YES1: variants seen among roughly 807,000 people sequenced by gnomAD.
The protein encoded by YES1 is YES proto-oncogene 1, Src family tyrosine kinase, also known as tyrosine-protein kinase Yes.
Under a neutral mutation model 70.4 loss-of-function variants are expected in YES1, and 39 were observed. That is an observed-to-expected ratio of 0.55 (90% CI 0.43 to 0.72). The LOEUF (loss-of-function observed/expected upper bound fraction) is 0.72, where lower values mean the gene tolerates loss of function less well. Among genes scored for constraint, YES1 ranks in the 30% least tolerant of loss-of-function variants. The pLI is 0.00. For synonymous variants in YES1, 198 were observed against 218.6 expected (o/e 0.91, Z 0.83); for missense variants, 495 against 644.8 (o/e 0.77, Z 2.52).
At chr18:737,091 G>A in intron 9 of YES1, 130 bp from the exon 10 acceptor site, 2 of 762,876 alleles carry the variant, frequency 2.6e-6, no homozygotes, top group East Asian at 2.7e-5. Flanking sequence ...TGGTAACAGG[G>A]TATAGTCTAG....
Position 724,290 on chromosome 18 carries a change from C to T in YES1, c.*134G>A, listed in dbSNP as rs565684907. On this transcript the variant is annotated 3_prime_UTR_variant, in exon 12 of 12. Coordinates refer to ENST00000314574, the MANE Select transcript of YES1 (RefSeq NM_005433.4). ...GGGAAAAAAAAGTGGTTTTGTGCAA[C>T]CATATCTGGGATTCCAGTTTACCAT... 7.4e-5 allele frequency: 65 copies of T among 881,316 alleles called. No individual in the cohort carries two copies. The highest frequency in any genetic ancestry group is 7.2e-4 in the Middle Eastern group (2 of 2,780). The allele number at this position is 881,316 out of a possible 1,614,324, so 54.6% of individuals were successfully genotyped here.
intron 8 of YES1, 116 bp from the exon 9 acceptor site, chr18:739,927 A>G: frequency 1.3e-6 from 1 of 787,904 alleles, no homozygotes; most frequent in Non-Finnish European, 1.9e-6. Flanking sequence ...CATTTTTTTT[A>G]AATTTTGTGC....
At chr18:733,635 T>C (rs2145681006) in intron 10 of YES1, among the ~76,000 whole-genome samples, 1 of 151,898 alleles carries the variant, frequency 6.6e-6, no homozygotes, top group East Asian at 2.0e-4. Context: ...TACAAAAAAT[T>C]AGCTGGGCGA....
intron 1 of YES1, among the ~76,000 whole-genome samples, chr18:810,126 C>T (rs928884594): frequency 1.3e-5 from 2 of 151,758 alleles, no homozygotes; most frequent in African/African-American, 4.8e-5. Context: ...TAAACGATGT[C>T]TACACTGATT....
At chr18:745,605 T>C in intron 6 of YES1, 103 bp downstream of exon 6, 1 of 1,110,972 alleles carries the variant, frequency 9.0e-7, no homozygotes, top group Non-Finnish European at 1.3e-6. Context: ...ATGTATTATG[T>C]GTAAATAAGT....
intron 3 of YES1, 130 bp from the exon 4 acceptor site, chr18:748,148 T>C: frequency 4.5e-6 from 3 of 667,998 alleles, no homozygotes; most frequent in Non-Finnish European, 7.6e-6. Context: ...ATTCATTGGA[T>C]GAAGAATTAA....
chr18:778,090 T>C (rs1905475280), intron 1 of YES1, among the ~76,000 whole-genome samples: 1 of 152,184 alleles, frequency 6.6e-6, no homozygotes, highest in Non-Finnish European at 1.5e-5. Context: ...AATCCCAATA[T>C]GTTACCAGGA....
intron 1 of YES1, among the ~76,000 whole-genome samples, chr18:801,010 G>A (rs1906791797): frequency 6.6e-6 from 1 of 152,128 alleles, no homozygotes; most frequent in Non-Finnish European, 1.5e-5. Context: ...GCTGGGTGTG[G>A]TGGCGTGTGC....
At chr18:792,577 G>C (rs1288399207) in intron 1 of YES1, among the ~76,000 whole-genome samples, 1 of 151,460 alleles carries the variant, frequency 6.6e-6, no homozygotes, top group South Asian at 2.1e-4. Flanking sequence ...GTGTGTGTGT[G>C]TGTGTGTGTA....
intron 2 of YES1, among the ~76,000 whole-genome samples, chr18:752,950 T>C: frequency 6.6e-6 from 1 of 152,026 alleles, no homozygotes; most frequent in Non-Finnish European, 1.5e-5. Context: ...ATCAAAAAAA[T>C]AAATAAAATA....
At chr18:758,644 A>C (rs925204375) in intron 1 of YES1, among the ~76,000 whole-genome samples, 1 of 152,134 alleles carries the variant, frequency 6.6e-6, no homozygotes, top group African/African-American at 2.4e-5. Flanking sequence ...CTTTCCTTAT[A>C]ATCAGTAAAA....
At chr18:731,435 T>C (rs2080086028) in intron 11 of YES1, among the ~76,000 whole-genome samples, 1 of 152,124 alleles carries the variant, frequency 6.6e-6, no homozygotes, top group Non-Finnish European at 1.5e-5. Flanking sequence ...GTGATAAAAT[T>C]TGATGGCATT....
At position 722,606 on chromosome 18, in the gene YES1, T is replaced by C. The variant is rs550648165; in HGVS notation, c.*1818A>G. ...GACACTCAAACCACTAATGCTGCTATTCAAATCTGTATTTTGAAATTACTG... is the reference window on the plus strand; with the variant it reads ...GACACTCAAACCACTAATGCTGCTACTCAAATCTGTATTTTGAAATTACTG... On this transcript the variant is annotated 3_prime_UTR_variant, in exon 12 of 12. Coordinates refer to ENST00000314574, the MANE Select transcript of YES1 (RefSeq NM_005433.4). 12 of 152,454 alleles carry C rather than the reference T, an allele frequency of 7.9e-5. No individual in the cohort carries two copies. The highest frequency in any genetic ancestry group is 2.6e-4 in the African/African-American group (11 of 41,594). The allele number at this position is 152,454 out of a possible 1,614,324, so 9.4% of individuals were successfully genotyped here. A position where few individuals can be genotyped will look rare whatever the true frequency, so the allele number is the denominator to read the frequency against.
chr18:747,830 T>A, intron 4 of YES1, 90 bp downstream of exon 4: 1 of 1,170,938 alleles, frequency 8.5e-7, no homozygotes, highest in Non-Finnish European at 1.2e-6. Context: ...GGTATATAAT[T>A]CTGTGTGTGT....
intron 1 of YES1, among the ~76,000 whole-genome samples, chr18:769,914 T>A (rs1460968591): frequency 6.6e-6 from 1 of 152,124 alleles, no homozygotes; most frequent in Non-Finnish European, 1.5e-5. Context: ...GGTATCAGGA[T>A]GTTGGCCTCA....
At chr18:725,591 T>C (rs1236976450) in intron 11 of YES1, among the ~76,000 whole-genome samples, 4 of 152,198 alleles carry the variant, frequency 2.6e-5, no homozygotes, top group Non-Finnish European at 5.9e-5. Context: ...TACTGTCATC[T>C]TCATAAGTGA....
At chr18:810,950 G>T in intron 1 of YES1, among the ~76,000 whole-genome samples, 1 of 150,766 alleles carries the variant, frequency 6.6e-6, no homozygotes, top group East Asian at 2.0e-4. Flanking sequence ...GCCAAGCACT[G>T]TGATAGTTAA....
At chr18:807,353 G>C (rs1907151624) in intron 1 of YES1, among the ~76,000 whole-genome samples, 1 of 148,760 alleles carries the variant, frequency 6.7e-6, no homozygotes, top group Admixed American at 6.7e-5. Flanking sequence ...AAAAAAATTA[G>C]CCAGGCATGG....
Position 735,383 on chromosome 18 carries a change from A to C in YES1, c.1291+1425T>G, listed in dbSNP as rs1489792202. ...AGCTAGAGGCCATTATTCTAAGTGA[A>C]GTAACTCAGGGATGGAAAACCAAAT... On this transcript the variant is annotated intron_variant, in intron 10 of 11. Coordinates refer to ENST00000314574, the MANE Select transcript of YES1 (RefSeq NM_005433.4). Among the ~76,000 whole-genome samples, 5 of 152,128 alleles carry C rather than the reference A, an allele frequency of 3.3e-5. No homozygotes were observed. In the South Asian group the frequency reaches 8.3e-4, roughly 25 times the overall value.
Sources: gnomAD v4.1 joint callset for allele counts (sites outside exome capture counted in the v4.1 genomes callset) on GRCh38, gnomAD v4.1.1 for gene constraint, MANE v1.5 for transcripts, NCBI Gene and HGNC (gene_info 2026-07-23, HGNC 2026-07-21) for gene names.